The following MAPK11 variants were observed in gnomAD, a reference collection of about 807,000 sequenced individuals.
The protein encoded by MAPK11 is mitogen-activated protein kinase 11.
A neutral mutation model predicts 52.2 loss-of-function variants in MAPK11; 44 were observed. The observed-to-expected ratio is 0.84, with a 90% confidence interval of 0.66 to 1.08. MAPK11 has a LOEUF of 1.08. Ranked by LOEUF, MAPK11 falls within the 50% of genes least tolerant of loss-of-function variation. The pLI is 0.00. For missense variants in MAPK11, 436 were observed against 494.7 expected (o/e 0.88, Z 1.13); for synonymous variants, 233 against 206.3 (o/e 1.13, Z -1.11).
intron 10 of MAPK11, 29 bp from the exon 11 acceptor site, chr22:50,265,523 G>A (rs199623300): frequency 1.4e-5 from 23 of 1,612,730 alleles, no homozygotes; most frequent in Non-Finnish European, 1.9e-5. Context: ...TGGGGAGGGG[G>A]GTCAGCTGTA....
rs201572582 is a variant in MAPK11, at chr22:50,267,004, G to C, written c.540C>G (p.Thr180=). The C allele has an allele frequency of 4.0e-5, 65 of 1,612,658 alleles. No homozygotes were observed. Among genetic ancestry groups the C allele is most frequent in the Non-Finnish European group, 5.2e-5 (61 of 1,179,932 alleles). Residue 180 remains threonine, a synonymous_variant, in exon 7 of 12, where the codon ACC becomes ACG. Transcript: ENST00000330651. ...GGTACCAGCGCGTGGCCACATAGCCGGTCATCTCCTCGTCCGCCTGGCGCG... is the reference window on the plus strand; with the variant it reads ...GGTACCAGCGCGTGGCCACATAGCCCGTCATCTCCTCGTCCGCCTGGCGCG... ...GLARQADEEM[T]GYVATRWYRA... is the part of the protein sequence containing the mutation.
Position 50,265,636 on chromosome 22 carries a change from G to GC in MAPK11, c.786dup (p.Pro263AlafsTer32). On this transcript the variant is annotated frameshift_variant, in exon 10 of 12. Coordinates refer to ENST00000330651, the MANE Select transcript of MAPK11 (RefSeq NM_002751.7). LOFTEE classifies it high-confidence loss of function. ...CTCAGGTCCTTCTGGGGCATGGGGG[G>GC]CAGGGACTGGATATATGTCCGGGCC... is the stretch of plus-strand genomic sequence containing the variant. 6.3e-7 allele frequency: 1 copy of GC among 1,597,456 alleles called. No homozygotes were observed. The highest frequency in any genetic ancestry group is 1.1e-5 in the South Asian group (1 of 88,716).
Position 50,270,131 on chromosome 22 carries a change from G to A in MAPK11, c.116+46C>T. 2 of 1,046,666 alleles carry A rather than the reference G, an allele frequency of 1.9e-6. No homozygotes were observed. The highest frequency in any genetic ancestry group is 2.5e-6 in the Non-Finnish European group (2 of 792,188). 64.8% of individuals were successfully genotyped at this position (1,046,666 alleles called of 1,614,324 possible). Reference sequence around the variant, plus strand: ...CGGGCGAGGAGGGGACGCGCTCTCCGGCCCGGCCCGGCCCCCACCCAGCAC... The same window carrying A: ...CGGGCGAGGAGGGGACGCGCTCTCCAGCCCGGCCCGGCCCCCACCCAGCAC... On this transcript the variant is annotated intron_variant, in intron 1 of 11. Coordinates refer to ENST00000330651, the MANE Select transcript of MAPK11 (RefSeq NM_002751.7). The surrounding 1 kb of genome is among the most constrained non-coding windows in gnomAD (Gnocchi z 6.3).
intron 1 of MAPK11, among the ~76,000 whole-genome samples, chr22:50,269,889 C>G (rs1404745587): frequency 3.3e-5 from 5 of 152,084 alleles, no homozygotes; most frequent in Admixed American, 2.0e-4. Context: ...CGCGTGAGAC[C>G]CACCCTCACG....
chr22:50,269,329 G>A (rs749708870), intron 1 of MAPK11, among the ~76,000 whole-genome samples: 4 of 152,126 alleles, frequency 2.6e-5, no homozygotes, highest in Non-Finnish European at 4.4e-5. Flanking sequence ...GGGCCTAGAG[G>A]TCCCACTTCC....
intron 8 of MAPK11, 116 bp from the exon 9 acceptor site, chr22:50,266,421 C>T (rs1256598961): frequency 2.9e-6 from 4 of 1,397,632 alleles, no homozygotes; most frequent in African/African-American, 1.4e-5. Flanking sequence ...ATGGCCAGCC[C>T]AAAGTAGCAT....
Position 50,270,168 on chromosome 22 carries a change from C to T in MAPK11, c.116+9G>A. 1 of 1,406,964 alleles carries T rather than the reference C, an allele frequency of 7.1e-7. No individual in the cohort carries two copies. Among genetic ancestry groups the T allele is most frequent in the Non-Finnish European group, 9.3e-7 (1 of 1,075,952 alleles). The allele number at this position is 1,406,964 out of a possible 1,614,324, so 87.2% of individuals were successfully genotyped here. On this transcript the variant is annotated intron_variant, in intron 1 of 11. Transcript: ENST00000330651. This position sits in a 1 kb window ranked among gnomAD's most constrained non-coding sequence, Gnocchi z 6.3. The stretch of plus-strand genomic sequence containing the variant: ...CCCCCACCCAGCACCCCTTCTGCCC[C>T]GCCCCTACCAGACGGAGCCGTAGGC...
Position 50,267,486 on chromosome 22 carries a change from G to T in MAPK11, c.306-4C>A. 6.2e-7 allele frequency: 1 copy of T among 1,601,792 alleles called. No homozygotes were observed. The highest frequency in any genetic ancestry group is 1.3e-5 in the African/African-American group (1 of 74,936). ...CATCAGGGTGGTCACCAAGTACCTG[G>T]GGCGGGGTCAGGGGGTCAGGACAGG... is the stretch of plus-strand genomic sequence containing the variant. On this transcript the variant is annotated splice_region_variant and splice_polypyrimidine_tract_variant and intron_variant, in intron 3 of 11. Coordinates refer to ENST00000330651, the MANE Select transcript of MAPK11 (RefSeq NM_002751.7).
chr22:50,266,531 C>G lies in MAPK11; in HGVS notation c.682+9G>C. On this transcript the variant is annotated intron_variant, in intron 8 of 11. Coordinates refer to ENST00000330651, the MANE Select transcript of MAPK11 (RefSeq NM_002751.7). ...TTTGACCCTGCTCCCCAACCTGGGC[C>G]AAGGATACAGTCGCTTCCCGGGAAG... 9 of 1,517,154 alleles carry G rather than the reference C, an allele frequency of 5.9e-6. No homozygotes were observed. The highest frequency in any genetic ancestry group is 7.9e-6 in the Non-Finnish European group (9 of 1,133,870). The allele number at this position is 1,517,154 out of a possible 1,614,324, so 94.0% of individuals were successfully genotyped here. A position where few individuals can be genotyped will look rare whatever the true frequency, so the allele number is the denominator to read the frequency against.
chr22:50,269,972 C>T (rs2065295187), intron 1 of MAPK11, among the ~76,000 whole-genome samples: 1 of 152,098 alleles, frequency 6.6e-6, no homozygotes, highest in Admixed American at 6.5e-5. Flanking sequence ...GGACCCCCCT[C>T]CCTCCCGGTA....
At chr22:50,268,039 T>G in intron 1 of MAPK11, 90 bp from the exon 2 acceptor site, 3 of 1,258,536 alleles carry the variant, frequency 2.4e-6, no homozygotes, top group African/African-American at 1.6e-5. Flanking sequence ...TCGCCGCTTC[T>G]CCGTGGGGAT....
intron 7 of MAPK11, 68 bp downstream of exon 7, chr22:50,266,866 C>A (rs760068922): frequency 6.9e-7 from 1 of 1,451,036 alleles, no homozygotes; most frequent in Non-Finnish European, 9.6e-7. Flanking sequence ...TAAGACCTGG[C>A]ATGCAGAGCC....
chr22:50,268,195 C>T (rs908623117), intron 1 of MAPK11, among the ~76,000 whole-genome samples: 2 of 152,256 alleles, frequency 1.3e-5, no homozygotes, highest in African/African-American at 4.8e-5. Flanking sequence ...TGGACCTTCT[C>T]TGTCCCCTGG....
intron 5 of MAPK11, 33 bp from the exon 6 acceptor site, chr22:50,267,207 C>A (rs1351908589): frequency 2.0e-5 from 32 of 1,609,972 alleles, no homozygotes; most frequent in Non-Finnish European, 2.6e-5. Context: ...GCACAGGAGG[C>A]TGGGACGGAG....
chr22:50,266,392 C>G, intron 8 of MAPK11, 87 bp from the exon 9 acceptor site: 1 of 1,448,238 alleles, frequency 6.9e-7, no homozygotes, highest in East Asian at 2.4e-5. Context: ...GCCCAGAGCC[C>G]GCTCTCCTAT....
chr22:50,268,836 G>A (rs946949012), intron 1 of MAPK11, among the ~76,000 whole-genome samples: 5 of 152,198 alleles, frequency 3.3e-5, no homozygotes, highest in East Asian at 1.9e-4. Context: ...GGATGCTCAT[G>A]GGCGCAGGTC....
At chr22:50,268,546 C>T (rs1352267906) in intron 1 of MAPK11, among the ~76,000 whole-genome samples, 1 of 152,216 alleles carries the variant, frequency 6.6e-6, no homozygotes, top group Admixed American at 6.5e-5. Flanking sequence ...AACAGCCCTT[C>T]GCCCAGCCCC....
chr22:50,267,721 T>G, intron 2 of MAPK11, 94 bp from the exon 3 acceptor site: 7 of 1,294,976 alleles, frequency 5.4e-6, no homozygotes, highest in Non-Finnish European at 6.1e-6. Flanking sequence ...CCGCGCCCCC[T>G]GTGTCCCCGC....
chr22:50,264,387 G>T lies in MAPK11; in HGVS notation c.*561C>A, dbSNP rs2147266900. 6.5e-6 allele frequency: 1 copy of T among 153,868 alleles called. No homozygotes were observed. The highest frequency in any genetic ancestry group is 2.0e-4 in the South Asian group (1 of 4,922). 9.5% of individuals were successfully genotyped at this position (153,868 alleles called of 1,614,324 possible). On this transcript the variant is annotated 3_prime_UTR_variant, in exon 12 of 12. Transcript: ENST00000330651. ...AGACTCCAGGCAGCTTTTCTCATTT[G>T]ACACCTGGTGGTTGTCCCTGCCCAG...
Sources: allele counts gnomAD v4.1 joint callset (sites outside exome capture counted in the v4.1 genomes callset), GRCh38; gene constraint gnomAD v4.1.1; non-coding constraint Gnocchi (gnomAD v3.1); transcripts MANE v1.5; gene names NCBI Gene and HGNC (gene_info 2026-07-23, HGNC 2026-07-21).